TULP4: variants seen among roughly 807,000 people sequenced by gnomAD.
TULP4 encodes the protein tubby-related protein 4.
A neutral mutation model predicts 129.0 loss-of-function variants in TULP4; 16 were observed. The observed-to-expected ratio is 0.12, with a 90% CI of 0.08 to 0.19. The LOEUF is 0.19. Ranked by LOEUF, TULP4 falls within the 10% of genes least tolerant of loss-of-function variation. The pLI, the probability that TULP4 is intolerant of heterozygous loss-of-function variation, is 1.00. For missense variants in TULP4, 1,842 were observed against 2,059.1 expected, an observed-to-expected ratio of 0.89 and a Z score of 2.04; for synonymous variants, 998 against 854.0, an observed-to-expected ratio of 1.17 and a Z score of -2.94.
rs1562555754 is a variant in TULP4 at position 158,413,517 on chromosome 6, T to C, written c.381+324T>C. 6.6e-6 allele frequency among the ~76,000 whole-genome samples: 1 copy of C among 152,356 alleles called. No individual in the cohort carries two copies. Among genetic ancestry groups the C allele is most frequent in the East Asian group, 1.9e-4 (1 of 5,188 alleles). ...AAATTTGGGGCCTCTGGCATATCACTGTTTTGCCCCCTTCGAAAGGTATCT... is the reference window on the plus strand; with the variant it reads ...AAATTTGGGGCCTCTGGCATATCACCGTTTTGCCCCCTTCGAAAGGTATCT... On this transcript the variant is annotated intron_variant, in intron 2 of 13. Coordinates refer to ENST00000367097, the MANE Select transcript of TULP4 (RefSeq NM_020245.5). The surrounding 1 kb of genome is among the most constrained non-coding windows in gnomAD (Gnocchi z 4.9).
intron 2 of TULP4, among the ~76,000 whole-genome samples, chr6:158,428,885 G>A (rs933780020): frequency 1.3e-5 from 2 of 152,164 alleles, no homozygotes; most frequent in South Asian, 2.1e-4. Flanking sequence ...AATACCTTCC[G>A]CAGACTGTTG....
At chr6:158,367,747 G>A (rs1417791612) in intron 1 of TULP4, among the ~76,000 whole-genome samples, 1 of 151,976 alleles carries the variant, frequency 6.6e-6, no homozygotes, top group Non-Finnish European at 1.5e-5. Flanking sequence ...CTAAGTAGAA[G>A]AAAGAATTGT....
chr6:158,376,040 C>T (rs565287086), intron 1 of TULP4, among the ~76,000 whole-genome samples: 26 of 152,246 alleles, frequency 1.7e-4, no homozygotes, highest in East Asian at 1.4e-3. Context: ...AAACTGTGGA[C>T]GATGGGGGAA....
At chr6:158,257,426 A>G (rs1272450099) in intron 1 of TULP4, among the ~76,000 whole-genome samples, 1 of 152,230 alleles carries the variant, frequency 6.6e-6, no homozygotes, top group Non-Finnish European at 1.5e-5. Flanking sequence ...AATATACATA[A>G]CAAAATATAT....
chr6:158,256,659 C>G (rs1778250483), intron 1 of TULP4, among the ~76,000 whole-genome samples: 1 of 152,174 alleles, frequency 6.6e-6, no homozygotes, highest in Admixed American at 6.5e-5. Flanking sequence ...ATTAGCAAAA[C>G]TGGATTACAG....
chr6:158,427,470 C>CTTTTTTTTTTTTTTTTTT (rs1251385882), intron 2 of TULP4, among the ~76,000 whole-genome samples: 11 of 100,676 alleles, frequency 1.1e-4, no homozygotes, highest in East Asian at 2.8e-4. Context: ...AATTATCAGA[C>CTTTTTTTTTTTTTTTTTT]CTTTTTTTTT....
intron 1 of TULP4, among the ~76,000 whole-genome samples, chr6:158,394,297 A>G (rs917577957): frequency 3.3e-5 from 5 of 152,094 alleles, no homozygotes; most frequent in Non-Finnish European, 7.4e-5. Flanking sequence ...TTTGGTTAAA[A>G]CTGTTGAGCA....
chr6:158,242,145 G>C, intron 1 of TULP4: 1 of 968,952 alleles, frequency 1.0e-6, no homozygotes, highest in South Asian at 1.3e-5. Context: ...GACCATAAGT[G>C]ATGGCCAGTC....
chr6:158,415,595 C>CAG, intron 2 of TULP4, among the ~76,000 whole-genome samples: 1 of 150,438 alleles, frequency 6.6e-6, no homozygotes, highest in African/African-American at 2.5e-5. Context: ...CTCCTGACCT[C>CAG]ATGATCCACC....
chr6:158,469,214 A>G (rs1779618273), intron 6 of TULP4, among the ~76,000 whole-genome samples: 1 of 152,110 alleles, frequency 6.6e-6, no homozygotes, highest in Non-Finnish European at 1.5e-5. Flanking sequence ...GAGAGATTGT[A>G]AGAGATTTGG....
chr6:158,386,539 A>G (rs1443935096), intron 1 of TULP4, among the ~76,000 whole-genome samples: 2 of 152,178 alleles, frequency 1.3e-5, no homozygotes, highest in Non-Finnish European at 2.9e-5. Flanking sequence ...TCCTTACTAT[A>G]TATCTATTTT....
At chr6:158,479,699 C>A in intron 6 of TULP4, 52 bp from the exon 7 acceptor site, 1 of 1,559,028 alleles carries the variant, frequency 6.4e-7, no homozygotes, top group Non-Finnish European at 8.7e-7. Flanking sequence ...TCCCTTTTTG[C>A]TTCCCACAAG....
At chr6:158,408,053 A>C (rs1583844120) in intron 1 of TULP4, among the ~76,000 whole-genome samples, 2 of 152,306 alleles carry the variant, frequency 1.3e-5, no homozygotes, top group South Asian at 2.1e-4. Context: ...TGAGAGAGAG[A>C]GAGGGAACAG....
At chr6:158,460,768 A>G (rs1047968377) in intron 5 of TULP4, among the ~76,000 whole-genome samples, 2 of 152,228 alleles carry the variant, frequency 1.3e-5, no homozygotes, top group African/African-American at 4.8e-5. Context: ...TCAAATGAAT[A>G]TAAACTAAGA....
At chr6:158,409,380 T>A (rs150488937) in intron 1 of TULP4, among the ~76,000 whole-genome samples, 2 of 152,296 alleles carry the variant, frequency 1.3e-5, no homozygotes, top group Non-Finnish European at 2.9e-5. Context: ...TCTGACTTCT[T>A]AGTCAAAGAA....
chr6:158,421,972 G>A (rs1407127862), intron 2 of TULP4, among the ~76,000 whole-genome samples: 2 of 152,104 alleles, frequency 1.3e-5, no homozygotes, highest in Admixed American at 1.3e-4. Context: ...TGTGAGATAT[G>A]ATTAAAGTGG....
At chr6:158,417,644 G>A (rs1238996769) in intron 2 of TULP4, among the ~76,000 whole-genome samples, 1 of 152,180 alleles carries the variant, frequency 6.6e-6, no homozygotes, top group African/African-American at 2.4e-5. Context: ...CAAGGAACTG[G>A]TGGCTTTCTG....
intron 2 of TULP4, among the ~76,000 whole-genome samples, chr6:158,416,440 CA>C (rs1778209834): frequency 6.9e-6 from 1 of 143,892 alleles, no homozygotes; most frequent in African/African-American, 2.5e-5. Context: ...TAGTTTTTAA[CA>C]AAAACATTTA....
In TULP4 at chr6:158,324,098, C is replaced by T. The variant is rs1487949470; in HGVS notation, c.252+9830C>T. On this transcript the variant is annotated intron_variant, in intron 1 of 13. Transcript: ENST00000367097. ...TTTTACCCTGGAAAGGAATTTAAAC[C>T]GATAAAATGCACTTACTAGAATTTG... 7.2e-5 allele frequency among the ~76,000 whole-genome samples: 11 copies of T among 152,018 alleles called. No homozygotes were observed. The East Asian group carries it at 1.7e-3, about 24-fold the overall frequency.
Sources: allele counts gnomAD v4.1 joint callset (sites outside exome capture counted in the v4.1 genomes callset), GRCh38; gene constraint gnomAD v4.1.1; non-coding constraint Gnocchi (gnomAD v3.1); transcripts MANE v1.5; gene names NCBI Gene and HGNC (gene_info 2026-07-23, HGNC 2026-07-21).